NADSYN1: variants seen among roughly 807,000 people sequenced by gnomAD.
The protein encoded by NADSYN1 is glutamine-dependent NAD(+) synthetase.
Under a neutral mutation model 99.3 loss-of-function variants are expected in NADSYN1, and 80 were observed. The ratio of observed to expected loss-of-function variants is 0.81; its 90% CI spans 0.67 to 0.97. NADSYN1 has a LOEUF of 0.97. NADSYN1 is among the 50% of genes least tolerant of loss of function. NADSYN1 has a pLI of 0.00. For synonymous variants in NADSYN1, 385 were observed against 372.1 expected (o/e 1.03, Z -0.40); for missense variants, 859 against 948.5 (o/e 0.91, Z 1.24).
At chr11:71,484,878 CAAGTGT>C (rs1457964198) in intron 15 of NADSYN1, 2 of 198,832 alleles carry the variant, frequency 1.0e-5, no homozygotes, top group East Asian at 2.4e-4. Flanking sequence ...TGTGCAAAAG[CAAGTGT>C]GAGTGTGGAT....
At position 71,501,469 on chromosome 11, in the gene NADSYN1, A is replaced by T. The variant is rs754226900; in HGVS notation, c.*117A>T. ...GGAGCCCAGGATGGGACGGCGCATC[A>T]GCCGAGAGGGAGGGAACTTTTCAGT... On this transcript the variant is annotated 3_prime_UTR_variant, in exon 21 of 21. Coordinates refer to ENST00000319023, the MANE Select transcript of NADSYN1 (RefSeq NM_018161.5). 1.5e-4 allele frequency: 143 copies of T among 943,482 alleles called. No individual in the cohort carries two copies. In the East Asian group the frequency reaches 3.8e-3, roughly 25 times the overall value. The allele number at this position is 943,482 out of a possible 1,614,324, so 58.4% of individuals were successfully genotyped here. A position where few individuals can be genotyped will look rare whatever the true frequency, so the allele number is the denominator to read the frequency against.
intron 5 of NADSYN1, among the ~76,000 whole-genome samples, chr11:71,469,927 GAAAAAAA>G (rs749801544): frequency 9.2e-6 from 1 of 109,180 alleles, no homozygotes; most frequent in African/African-American, 3.8e-5. Context: ...GCCTGTCTCA[GAAAAAAA>G]AAAAAAAAAA....
In NADSYN1 at chr11:71,473,694, C is replaced by T. The variant is rs1211833660; in HGVS notation, c.666+8C>T. On this transcript the variant is annotated splice_region_variant and intron_variant, in intron 8 of 20. Coordinates refer to ENST00000319023, the MANE Select transcript of NADSYN1 (RefSeq NM_018161.5). ...ACTATGGTCACCAGCAAGGTAGGGG[C>T]TGGGCCAGGGAGCGTGCGCCACAGG... 6 of 1,601,448 alleles carry T rather than the reference C, an allele frequency of 3.7e-6. No homozygotes were observed. In the Admixed American group the frequency reaches 1.0e-4, roughly 27 times the overall value.
At chr11:71,478,340 G>A (rs1448323039) in intron 9 of NADSYN1, 55 bp from the exon 10 acceptor site, 18 of 1,438,184 alleles carry the variant, frequency 1.3e-5, no homozygotes, top group African/African-American at 2.8e-5. Context: ...CAAATTACAC[G>A]TGGGAGTTGA....
intron 9 of NADSYN1, chr11:71,476,035 A>G (rs921508773): frequency 4.4e-6 from 2 of 456,174 alleles, no homozygotes; most frequent in African/African-American, 2.0e-5. Context: ...TTTTGAAGCA[A>G]ACAAGAAAAA....
intron 9 of NADSYN1, among the ~76,000 whole-genome samples, chr11:71,475,866 T>A (rs902291756): frequency 6.6e-6 from 1 of 152,110 alleles, no homozygotes; most frequent in Admixed American, 6.5e-5. Context: ...CATGCTGCCA[T>A]GCCCAGCTAA....
At chr11:71,498,328 G>A (rs1232761354) in intron 19 of NADSYN1, 24 bp from the exon 20 acceptor site, 13 of 1,612,914 alleles carry the variant, frequency 8.1e-6, no homozygotes, top group African/African-American at 1.3e-5. Context: ...GTAACATGAA[G>A]CTCGTGTGTT....
intron 17 of NADSYN1, among the ~76,000 whole-genome samples, chr11:71,491,318 T>A (rs1380647815): frequency 6.6e-6 from 1 of 152,266 alleles, no homozygotes; most frequent in Non-Finnish European, 1.5e-5. Context: ...GATGGATCAG[T>A]GTCCGGACCT....
chr11:71,501,290 C>T lies in NADSYN1; in HGVS notation c.2071-12C>T. 6.4e-7 allele frequency: 1 copy of T among 1,568,642 alleles called. No homozygotes were observed. Among genetic ancestry groups the T allele is most frequent in the Non-Finnish European group, 8.6e-7 (1 of 1,156,666 alleles). On this transcript the variant is annotated splice_polypyrimidine_tract_variant and intron_variant, in intron 20 of 20. Transcript: ENST00000319023. ...TTTGCGGGGCTGTGGTGTCACAGGC[C>T]TCTCTTTCCAGGTGCTACAGCTCGA...
chr11:71,498,245 G>C, intron 19 of NADSYN1, 107 bp from the exon 20 acceptor site: 1 of 1,295,698 alleles, frequency 7.7e-7, no homozygotes, highest in Admixed American at 2.0e-5. Flanking sequence ...GGTCCTGTGC[G>C]GGGAGTAACC....
chr11:71,498,169 G>A (rs974062335), intron 19 of NADSYN1, among the ~76,000 whole-genome samples, 183 bp from the exon 20 acceptor site: 3 of 152,144 alleles, frequency 2.0e-5, no homozygotes, highest in South Asian at 2.1e-4. Context: ...GGGGGACCCC[G>A]GTTTCATAGC....
chr11:71,453,320 C>G lies in NADSYN1; in HGVS notation c.24C>G (p.Ala8=). MGRKVTV[A]TCALNQWALD... ...GGATGGGCCGGAAGGTGACCGTGGCCACCTGCGCACTCAACCAGTGGGCCC... is the reference window on the plus strand; with the variant it reads ...GGATGGGCCGGAAGGTGACCGTGGCGACCTGCGCACTCAACCAGTGGGCCC... Residue 8 remains alanine, a synonymous_variant, in exon 1 of 21, where the codon GCC becomes GCG. Transcript: ENST00000319023. The G allele has an allele frequency of 6.2e-7, 1 of 1,613,844 alleles. No individual in the cohort carries two copies.
At chr11:71,501,048 G>A (rs528116707) in intron 20 of NADSYN1, among the ~76,000 whole-genome samples, 38 of 152,312 alleles carry the variant, frequency 2.5e-4, no homozygotes, top group African/African-American at 8.9e-4. Context: ...CCAAAAGAGT[G>A]ACGCATGTGG....
chr11:71,481,680 G>A (rs765081007), intron 12 of NADSYN1: 136 of 600,320 alleles, frequency 2.3e-4, no homozygotes, highest in Non-Finnish European at 3.7e-4. Flanking sequence ...GTAATCATGC[G>A]TATCTGCAGT....
chr11:71,464,303 A>G (rs1018440917), intron 5 of NADSYN1, 161 bp downstream of exon 5: 4 of 615,076 alleles, frequency 6.5e-6, no homozygotes, highest in African/African-American at 5.5e-5. Flanking sequence ...CCAAAAAAGA[A>G]TGAAGCAACC....
intron 18 of NADSYN1, 101 bp from the exon 19 acceptor site, chr11:71,497,382 A>G (rs1949827018): frequency 3.3e-6 from 5 of 1,493,994 alleles, no homozygotes; most frequent in South Asian, 2.5e-5. Context: ...CTGGGAAAGT[A>G]TTGCCTCCTT....
At chr11:71,453,985 G>T (rs78777272) in intron 1 of NADSYN1, among the ~76,000 whole-genome samples, 7,396 of 152,162 alleles carry the variant, frequency 0.049, 600 homozygotes, top group African/African-American at 0.17. Flanking sequence ...TCGAAGATAG[G>T]GTGTGGTTGT....
intron 16 of NADSYN1, among the ~76,000 whole-genome samples, chr11:71,487,929 G>T (rs113590091): frequency 2.6e-5 from 4 of 152,050 alleles, no homozygotes; most frequent in East Asian, 1.9e-4. Flanking sequence ...AGGCCCTGTG[G>T]CTGCAGACAC....
intron 15 of NADSYN1, 27 bp downstream of exon 15, chr11:71,484,474 TG>T: frequency 6.3e-7 from 1 of 1,598,974 alleles, no homozygotes; most frequent in South Asian, 1.1e-5. Context: ...CGGCGTCCCC[TG>T]GGGGTGGGGG....
Sources: allele counts gnomAD v4.1 joint callset (sites outside exome capture counted in the v4.1 genomes callset), GRCh38; gene constraint gnomAD v4.1.1; transcripts MANE v1.5; gene names NCBI Gene and HGNC (gene_info 2026-07-23, HGNC 2026-07-21).